CASK: variants seen among roughly 807,000 people sequenced by gnomAD.
The protein encoded by CASK is peripheral plasma membrane protein CASK.
Under a neutral mutation model 82.9 loss-of-function variants are expected in CASK, and 4 were observed. The ratio of observed to expected loss-of-function variants is 0.05; its 90% CI spans 0.02 to 0.11. CASK has a LOEUF of 0.11. CASK is among the 10% of genes least tolerant of loss of function. The probability of loss-of-function intolerance (pLI) is 1.00; values close to 1 mark genes in which losing one functional copy is unlikely to be tolerated. For missense variants in CASK, 358 were observed against 720.9 expected, an observed-to-expected ratio of 0.50 and a Z score of 5.76; for synonymous variants, 259 against 253.5, an observed-to-expected ratio of 1.02 and a Z score of -0.20.
intron 3 of CASK, among the ~76,000 whole-genome samples, chrX:41,785,000 T>A (rs1473448327): frequency 9.7e-6 from 1 of 102,580 alleles, no homozygotes. Context: ...TTTTTCAAAA[T>A]TCTTTTTTTT....
At chrX:41,579,419 A>C (rs934433475) in intron 14 of CASK, among the ~76,000 whole-genome samples, 3 of 111,985 alleles carry the variant, frequency 2.7e-5, no homozygotes, top group Non-Finnish European at 5.6e-5. Flanking sequence ...ACAAAGAGAA[A>C]GTGATTTCTT....
At chrX:41,704,109 TTA>T (rs1273545708) in intron 5 of CASK, among the ~76,000 whole-genome samples, 9 of 110,925 alleles carry the variant, frequency 8.1e-5, no homozygotes, top group African/African-American at 3.0e-4. Context: ...AAGTAGTTCT[TTA>T]TATATTCTGG....
chrX:41,533,850 GT>G (rs1403161002), intron 24 of CASK, among the ~76,000 whole-genome samples: 2 of 111,131 alleles, frequency 1.8e-5, no homozygotes. Context: ...TAGAGACGGG[GT>G]TTCTCCATGT....
At chrX:41,771,289 G>A (rs2069240564) in intron 3 of CASK, among the ~76,000 whole-genome samples, 1 of 111,797 alleles carries the variant, frequency 8.9e-6, no homozygotes, top group South Asian at 3.7e-4. Flanking sequence ...CTTCATGACT[G>A]AAGGGGATAT....
intron 12 of CASK, among the ~76,000 whole-genome samples, chrX:41,596,387 G>A (rs1455311635): frequency 8.9e-6 from 1 of 112,101 alleles, no homozygotes; most frequent in Non-Finnish European, 1.9e-5. Flanking sequence ...ACAAAAACAG[G>A]TGGCCAGCTG....
chrX:41,528,235 G>A (rs2064741987), intron 25 of CASK, among the ~76,000 whole-genome samples: 1 of 112,478 alleles, frequency 8.9e-6, no homozygotes, highest in African/African-American at 3.2e-5. Context: ...TAGGTAAGGA[G>A]TCATAACGCC....
chrX:41,603,004 C>G (rs1250765920), intron 12 of CASK, among the ~76,000 whole-genome samples: 4 of 111,619 alleles, frequency 3.6e-5, no homozygotes, highest in African/African-American at 9.8e-5. Flanking sequence ...AGACCACCAC[C>G]ACTGGGCAGG....
rs755914759 is a variant in CASK at position 41,536,111 on chromosome X, A to ATTAT, written c.2156-1142_2156-1139dup. Among the ~76,000 whole-genome samples the ATTAT allele has an allele frequency of 9.3e-4, 103 of 110,913 alleles. 1 individual carries two copies. In the East Asian group the frequency reaches 0.018, roughly 19 times the overall value. On this transcript the variant is annotated intron_variant, in intron 22 of 26. Transcript: ENST00000378163. ...GTAATAAAGGAATCTGGGCTGCTTT[A>ATTAT]TTATTTATTTATTTATTTATTTATG...
At chrX:41,849,219 A>T (rs1036680515) in intron 2 of CASK, among the ~76,000 whole-genome samples, 3 of 111,981 alleles carry the variant, frequency 2.7e-5, no homozygotes, top group Non-Finnish European at 5.6e-5. Context: ...TCCTATCAAG[A>T]ACTCAGAACT....
At chrX:41,638,276 G>C (rs1243547785) in intron 8 of CASK, among the ~76,000 whole-genome samples, 1 of 111,181 alleles carries the variant, frequency 9.0e-6, no homozygotes, top group African/African-American at 3.3e-5. Context: ...TTTAAAATAG[G>C]GTGGTTGGCT....
At chrX:41,803,346 T>C (rs773914291) in intron 2 of CASK, among the ~76,000 whole-genome samples, 145 of 111,605 alleles carry the variant, frequency 1.3e-3, no homozygotes, top group African/African-American at 4.7e-3. Context: ...TCCCAGCACC[T>C]TGGGAGGCCG....
chrX:41,585,986 C>G (rs1461689904), intron 14 of CASK: 1 of 110,090 alleles, frequency 9.1e-6, no homozygotes, highest in East Asian at 2.9e-4. Context: ...CTCGTCTCTA[C>G]TAAAAATACA....
chrX:41,591,721 C>G (rs778863566), intron 12 of CASK, among the ~76,000 whole-genome samples: 1 of 110,168 alleles, frequency 9.1e-6, no homozygotes, highest in Admixed American at 9.7e-5. Flanking sequence ...GTGATCCGCC[C>G]GCCTCGGCCT....
chrX:41,597,086 G>A (rs751123569), intron 12 of CASK, among the ~76,000 whole-genome samples: 21 of 111,888 alleles, frequency 1.9e-4, no homozygotes, highest in Non-Finnish European at 3.6e-4. Flanking sequence ...ATTATCTTCT[G>A]ATTTCTTAGT....
intron 20 of CASK, among the ~76,000 whole-genome samples, chrX:41,555,022 C>G (rs1199376585): frequency 8.9e-6 from 1 of 112,631 alleles, no homozygotes; most frequent in East Asian, 2.7e-4. Flanking sequence ...CATTTAAAAT[C>G]TATACCTCTA....
chrX:41,586,765 T>C (rs979875859), intron 14 of CASK, 142 bp downstream of exon 14: 22 of 464,406 alleles, frequency 4.7e-5, no homozygotes, highest in Non-Finnish European at 7.5e-5. Flanking sequence ...TATTTGGTAT[T>C]ACCTGGTATT....
chrX:41,809,751 C>T lies in CASK; in HGVS notation c.173-22468G>A, dbSNP rs760106429. On this transcript the variant is annotated intron_variant, in intron 2 of 26. Coordinates refer to ENST00000378163, the MANE Select transcript of CASK (RefSeq NM_001367721.1). Reference sequence around the variant, plus strand: ...AAAGCTGGACAGAGAATGACTTTGACGAGTTGAGAGAAGAAGGCTTCGGAT... The same window carrying T: ...AAAGCTGGACAGAGAATGACTTTGATGAGTTGAGAGAAGAAGGCTTCGGAT... Among the ~76,000 whole-genome samples, 19 of 112,246 alleles carry T rather than the reference C, an allele frequency of 1.7e-4. No individual in the cohort carries two copies. The South Asian group carries it at 6.2e-3, about 37-fold the overall frequency.
intron 5 of CASK, among the ~76,000 whole-genome samples, chrX:41,710,081 TTGTGTGTGTGTGTGTGTGTGTGTG>T (rs57963407): frequency 2.1e-4 from 15 of 72,176 alleles, no homozygotes; most frequent in African/African-American, 4.4e-4. Flanking sequence ...GGTATAGATT[TTGTGTGTGTGTGTGTGTGTGTGTG>T]TGTGTGTGTG....
In CASK at chrX:41,577,171, C is replaced by T. The variant is rs772591321; in HGVS notation, c.1503+1169G>A. 1.7e-4 allele frequency among the ~76,000 whole-genome samples: 19 copies of T among 112,470 alleles called. 1 individual carries two copies. Among genetic ancestry groups the T allele is most frequent in the Admixed American group, 1.5e-3 (16 of 10,664 alleles). On this transcript the variant is annotated intron_variant, in intron 15 of 26. Transcript: ENST00000378163. ...ACTTATCCAATGTTCCCTGTCTCAA[C>T]GTCCATTCAGTTTTAGAAGACTAAA...
Sources: allele counts gnomAD v4.1 joint callset (sites outside exome capture counted in the v4.1 genomes callset), GRCh38; gene constraint gnomAD v4.1.1; transcripts MANE v1.5; gene names NCBI Gene and HGNC (gene_info 2026-07-23, HGNC 2026-07-21).